The following NAV3 variants were observed in gnomAD, a reference collection of about 807,000 sequenced individuals.
NAV3 encodes the protein pore membrane and/or filament interacting like protein 1.
Under a neutral mutation model 244.7 loss-of-function variants are expected in NAV3, and 87 were observed. The ratio of observed to expected loss-of-function variants is 0.36; its 90% confidence interval spans 0.30 to 0.42. The LOEUF (loss-of-function observed/expected upper bound fraction) is 0.42, where lower values mean the gene tolerates loss of function less well. Ranked by LOEUF, NAV3 falls within the 20% of genes least tolerant of loss-of-function variation. NAV3 has a pLI of 1.00. For missense variants in NAV3, 2,663 were observed against 2,893.3 expected (o/e 0.92, Z 1.83); for synonymous variants, 1,126 against 1,042.2 (o/e 1.08, Z -1.55).
At chr12:78,119,207 A>G (rs750501059) in intron 14 of NAV3, 30 bp from the exon 15 acceptor site, 40 of 1,581,778 alleles carry the variant, frequency 2.5e-5, no homozygotes, top group Non-Finnish European at 3.1e-5. Flanking sequence ...CTCTACAGGC[A>G]CATATATTTG....
intron 2 of NAV3, among the ~76,000 whole-genome samples, chr12:77,754,332 T>A (rs1037388729): frequency 6.6e-6 from 1 of 152,138 alleles, no homozygotes; most frequent in African/African-American, 2.4e-5. Context: ...TCCCCTTGTA[T>A]GCTAAGGTGG....
At chr12:77,824,198 C>T (rs544243638) in intron 2 of NAV3, among the ~76,000 whole-genome samples, 3 of 151,446 alleles carry the variant, frequency 2.0e-5, no homozygotes, top group Admixed American at 2.0e-4. Flanking sequence ...CTCAGCCTCC[C>T]GAGTAGCTGG....
At chr12:77,936,321 C>G (rs552751326) in intron 1 of NAV3, among the ~76,000 whole-genome samples, 1 of 152,156 alleles carries the variant, frequency 6.6e-6, no homozygotes, top group Non-Finnish European at 1.5e-5. Flanking sequence ...TAAACGCAAT[C>G]TCAGTAATTC....
At chr12:77,823,519 CA>C (rs1393646648) in intron 2 of NAV3, among the ~76,000 whole-genome samples, 1 of 152,196 alleles carries the variant, frequency 6.6e-6, no homozygotes, top group East Asian at 1.9e-4. Flanking sequence ...GAAAAGACCA[CA>C]AGGTGTGTGT....
chr12:77,616,706 G>A (rs1871155749), intron 2 of NAV3, among the ~76,000 whole-genome samples: 1 of 150,540 alleles, frequency 6.6e-6, no homozygotes, highest in Admixed American at 6.6e-5. Context: ...CACAAAACCT[G>A]CTATTTGTGC....
At chr12:77,988,576 T>G (rs1271139138) in intron 5 of NAV3, among the ~76,000 whole-genome samples, 1 of 152,206 alleles carries the variant, frequency 6.6e-6, no homozygotes, top group Non-Finnish European at 1.5e-5. Context: ...GATCACATAC[T>G]TCTTTTAGTA....
chr12:78,198,918 C>CA (rs71088371), intron 36 of NAV3, among the ~76,000 whole-genome samples: 54,965 of 98,786 alleles, frequency 0.56, 11,522 homozygotes, highest in Non-Finnish European at 0.63. Flanking sequence ...TAAACAAAAA[C>CA]AAAAAAAAAA....
At chr12:77,950,962 A>T (rs1890815426) in intron 3 of NAV3, 1 of 152,172 alleles carries the variant, frequency 6.6e-6, no homozygotes, top group Non-Finnish European at 1.5e-5. Flanking sequence ...AACTGTAAAA[A>T]CCCTAGAAGA....
chr12:78,006,271 C>G (rs1874201266), intron 7 of NAV3, 148 bp from the exon 8 acceptor site: 1 of 749,444 alleles, frequency 1.3e-6, no homozygotes, highest in Non-Finnish European at 2.1e-6. Context: ...AAAAAAATCA[C>G]ATCAGAGAAG....
chr12:78,173,934 G>A (rs771556898), intron 24 of NAV3, among the ~76,000 whole-genome samples: 3 of 151,482 alleles, frequency 2.0e-5, no homozygotes, highest in Non-Finnish European at 4.4e-5. Context: ...TTTATTATAC[G>A]TTTTGAAAGC....
chr12:77,889,534 T>G (rs2136721598), intron 1 of NAV3, among the ~76,000 whole-genome samples: 1 of 152,364 alleles, frequency 6.6e-6, no homozygotes, highest in African/African-American at 2.4e-5. Flanking sequence ...CTATTTTAAC[T>G]ACTCTAAGTT....
chr12:77,797,917 C>G (rs1420743281), intron 2 of NAV3, among the ~76,000 whole-genome samples: 1 of 151,286 alleles, frequency 6.6e-6, no homozygotes, highest in African/African-American at 2.4e-5. Flanking sequence ...GCCTGTAATC[C>G]CAGTACTTTG....
intron 2 of NAV3, among the ~76,000 whole-genome samples, chr12:77,661,987 C>G (rs952993373): frequency 2.6e-5 from 4 of 151,636 alleles, no homozygotes; most frequent in African/African-American, 9.7e-5. Context: ...TTAAAATCCT[C>G]CACCTTTGAC....
At chr12:77,730,096 C>G (rs771545013) in intron 2 of NAV3, among the ~76,000 whole-genome samples, 54 of 151,966 alleles carry the variant, frequency 3.6e-4, no homozygotes, top group Non-Finnish European at 7.1e-4. Flanking sequence ...CTTAGTAACA[C>G]AAACCTCACT....
intron 34 of NAV3, among the ~76,000 whole-genome samples, chr12:78,190,625 A>G (rs747314514): frequency 3.3e-5 from 5 of 152,088 alleles, no homozygotes; most frequent in Non-Finnish European, 7.4e-5. Flanking sequence ...TAAGTAGGAA[A>G]TAACATGGGT....
At chr12:77,716,105 A>C (rs991217473) in intron 2 of NAV3, among the ~76,000 whole-genome samples, 8 of 152,084 alleles carry the variant, frequency 5.3e-5, no homozygotes, top group Non-Finnish European at 1.2e-4. Flanking sequence ...TCCTAAGATG[A>C]AATTTAAACA....
intron 34 of NAV3, among the ~76,000 whole-genome samples, chr12:78,191,874 A>C (rs1482542705): frequency 6.6e-6 from 1 of 152,192 alleles, no homozygotes; most frequent in Non-Finnish European, 1.5e-5. Context: ...AAAACTCTTT[A>C]CAAGGTACTT....
Position 78,119,649 on chromosome 12 carries a change from C to T in NAV3, c.3453C>T (p.Gly1151=). The T allele has an allele frequency of 5.0e-6, 8 of 1,614,156 alleles. No individual in the cohort carries two copies. In the East Asian group the frequency reaches 1.6e-4, roughly 31 times the overall value. The change falls in exon 15 of 40, where the codon GGC becomes GGT. Residue 1151 remains glycine, a synonymous_variant. Transcript: ENST00000397909. The part of the protein sequence containing the change: ...PSKSSTSGIP[G]RGGHRSSTSS... ...AATCCAGCACCAGTGGCATTCCTGGCCGAGGAGGCCACAGATCCAGTACCA... is the reference window on the plus strand; with the variant it reads ...AATCCAGCACCAGTGGCATTCCTGGTCGAGGAGGCCACAGATCCAGTACCA...
chr12:78,153,429 A>G (rs1182954152), intron 22 of NAV3, among the ~76,000 whole-genome samples: 3 of 152,190 alleles, frequency 2.0e-5, no homozygotes, highest in South Asian at 2.1e-4. Flanking sequence ...GGCAGGTCCT[A>G]TTGCCTGGCG....
Sources: gnomAD v4.1 joint callset for allele counts (sites outside exome capture counted in the v4.1 genomes callset) on GRCh38, gnomAD v4.1.1 for gene constraint, MANE v1.5 for transcripts, NCBI Gene and HGNC (gene_info 2026-07-23, HGNC 2026-07-21) for gene names.